The following TRIM8 variants were observed in gnomAD, a reference collection of about 807,000 sequenced individuals.
TRIM8 encodes E3 ubiquitin-protein ligase TRIM8.
TRIM8 carries 9 observed loss-of-function variants against 55.7 expected under a neutral mutation model. That is an observed-to-expected ratio of 0.16 (90% CI 0.10 to 0.28). TRIM8 has a LOEUF of 0.28. Ranked by LOEUF, TRIM8 falls within the 10% of genes least tolerant of loss-of-function variation. TRIM8 has a pLI of 1.00. For missense variants in TRIM8, 556 were observed against 736.4 expected, an observed-to-expected ratio of 0.76 and a Z score of 2.83; for synonymous variants, 335 against 333.3, an observed-to-expected ratio of 1.01 and a Z score of -0.06.
intron 1 of TRIM8, among the ~76,000 whole-genome samples, chr10:102,651,371 C>T (rs923851155): frequency 7.9e-5 from 12 of 152,134 alleles, no homozygotes; most frequent in African/African-American, 2.9e-4. Flanking sequence ...GGAAGGCCCT[C>T]CCTCTGCTGT....
chr10:102,654,707 G>T lies in TRIM8; in HGVS notation c.625G>T (p.Asp209Tyr). ...GGAGGAGCGAGAGCAGGACATTGAGGACCAGCTGTACAAACTCGAGTCAGA... is the reference window on the plus strand; with the variant it reads ...GGAGGAGCGAGAGCAGGACATTGAGTACCAGCTGTACAAACTCGAGTCAGA... ...RLEEREQDIE[D>Y]QLYKLESDKR... Residue 209 changes from aspartate (D) to tyrosine (Y), a missense_variant, in exon 2 of 6, where the codon GAC (aspartate) becomes TAC (tyrosine). Physicochemically the swap from Asp to Tyr is radical, Grantham distance 160. Coordinates refer to ENST00000643721, the MANE Select transcript of TRIM8 (RefSeq NM_030912.3). The T allele has an allele frequency of 6.2e-7, 1 of 1,614,224 alleles. No individual in the cohort carries two copies. The highest frequency in any genetic ancestry group is 1.1e-5 in the South Asian group (1 of 91,088).
intron 1 of TRIM8, 41 bp downstream of exon 1, chr10:102,645,228 GAC>G (rs755382333): frequency 2.1e-6 from 3 of 1,429,844 alleles, no homozygotes; most frequent in South Asian, 1.4e-5. Context: ...CACACACACA[GAC>G]ACACAGTCCC....
chr10:102,650,745 TGGGAAGTGG>T (rs1268082380), intron 1 of TRIM8, among the ~76,000 whole-genome samples: 3 of 151,988 alleles, frequency 2.0e-5, no homozygotes, highest in African/African-American at 7.3e-5. Flanking sequence ...TTTTCCCAGG[TGGGAAGTGG>T]GGCCTTGGCT....
At position 102,652,837 on chromosome 10, in the gene TRIM8, CTT is replaced by C. The variant is rs1289194873; in HGVS notation, c.571-1815_571-1814del. On this transcript the variant is annotated intron_variant, in intron 1 of 5. Coordinates refer to ENST00000643721, the MANE Select transcript of TRIM8 (RefSeq NM_030912.3). The stretch of plus-strand genomic sequence containing the variant: ...TTTTTTTTTGAGACAGACTTTCGCT[CTT>C]GTTGCCCAGGCTGGAGTGCAATGGC... Among the ~76,000 whole-genome samples the C allele has an allele frequency of 2.0e-5, 3 of 148,602 alleles. No individual in the cohort carries two copies. In the Admixed American group the frequency reaches 2.0e-4, roughly 10 times the overall value.
chr10:102,656,880 C>A lies in TRIM8; in HGVS notation c.1182C>A (p.Gly394=). 6.3e-7 allele frequency: 1 copy of A among 1,576,440 alleles called. No individual in the cohort carries two copies. Among genetic ancestry groups the A allele is most frequent in the Middle Eastern group, 1.7e-4 (1 of 5,872 alleles). The change falls in exon 6 of 6, where the codon GGC becomes GGA. Residue 394 remains glycine (G), a synonymous_variant. Transcript: ENST00000643721. The surrounding 1 kb of genome is among the most constrained non-coding windows in gnomAD (Gnocchi z 4.6). ...PEASFLETSS[G]PVGGQYGAAG... ...CCAGTTTCCTAGAGACGTCGTCGGGCCCTGTGGGCGGCCAGTACGGGGCGG... is the reference window on the plus strand; with the variant it reads ...CCAGTTTCCTAGAGACGTCGTCGGGACCTGTGGGCGGCCAGTACGGGGCGG...
chr10:102,655,027 C>A, intron 2 of TRIM8, 53 bp from the exon 3 acceptor site: 1 of 1,593,904 alleles, frequency 6.3e-7, no homozygotes, highest in Non-Finnish European at 8.6e-7. Flanking sequence ...GGGGGGAAAC[C>A]AAAGGTTTCC....
intron 1 of TRIM8, among the ~76,000 whole-genome samples, chr10:102,646,293 G>T (rs1343987947): frequency 6.6e-6 from 1 of 152,188 alleles, no homozygotes; most frequent in Non-Finnish European, 1.5e-5. Flanking sequence ...CCACCTTGGG[G>T]CCTGGGGCCT....
intron 1 of TRIM8, chr10:102,653,377 G>C (rs2063999805): frequency 6.6e-6 from 1 of 152,528 alleles, no homozygotes; most frequent in African/African-American, 2.4e-5. Context: ...CATGTGTGGA[G>C]GGCTGGGGAC....
At position 102,657,551 on chromosome 10, in the gene TRIM8, G is replaced by A; in HGVS notation, c.*197G>A. The A allele has an allele frequency of 2.9e-6, 2 of 687,200 alleles. No individual in the cohort carries two copies. The highest frequency in any genetic ancestry group is 2.3e-6 in the Non-Finnish European group (1 of 441,344). 42.6% of individuals were successfully genotyped at this position (687,200 alleles called of 1,614,324 possible). A position where few individuals can be genotyped will look rare whatever the true frequency, so the allele number is the denominator to read the frequency against. The stretch of plus-strand genomic sequence containing the variant: ...TTTTTTTATTATGAATCTCCTGGAC[G>A]CAGAGGTGACAGTGGGAGCTGGCCT... On this transcript the variant is annotated 3_prime_UTR_variant, in exon 6 of 6. Coordinates refer to ENST00000643721, the MANE Select transcript of TRIM8 (RefSeq NM_030912.3).
Position 102,657,162 on chromosome 10 carries a change from C to G in TRIM8, c.1464C>G (p.Pro488=). ...ACCATGGCGGCCACCAGCCCTACCC[C>G]CGCTCCGGCCACTTTCCCTGGACAG... ...VANHGGHQPY[P]RSGHFPWTVP... is the part of the protein sequence containing the mutation. Residue 488 remains proline, a synonymous_variant, in exon 6 of 6, where the codon CCC becomes CCG. Transcript: ENST00000643721. The G allele has an allele frequency of 1.9e-6, 3 of 1,613,896 alleles. No individual in the cohort carries two copies. The highest frequency in any genetic ancestry group is 2.5e-6 in the Non-Finnish European group (3 of 1,179,968).
At chr10:102,654,575 A>G (rs754618607) in intron 1 of TRIM8, 78 bp from the exon 2 acceptor site, 202 of 1,106,808 alleles carry the variant, frequency 1.8e-4, no homozygotes, top group Admixed American at 3.4e-4. Context: ...CATAGGATGC[A>G]TGTGTTGTGT....
rs756082144 is a variant in TRIM8 at position 102,655,164 on chromosome 10, G to T, written c.751G>T (p.Val251Leu). 3.7e-6 allele frequency: 6 copies of T among 1,612,056 alleles called. No individual in the cohort carries two copies. In the African/African-American group the frequency reaches 8.0e-5, roughly 22 times the overall value. Residue 251 changes from valine to leucine, a missense_variant, in exon 3 of 6, where the codon GTG becomes TTG. Val to Leu is a conservative substitution (Grantham distance 32). Transcript: ENST00000643721. ...QLLDEDLRQT[V>L]EVLDKAQAKF... ...GCTGGACGAGGACCTGCGGCAGACA[G>T]TGGAGGTCCTAGACAAGGCCCAGGC...
In TRIM8 at chr10:102,644,615, G is replaced by T. The variant is rs1277310794; in HGVS notation, c.-3G>T. The T allele has an allele frequency of 1.2e-6, 2 of 1,611,034 alleles. No individual in the cohort carries two copies. The highest frequency in any genetic ancestry group is 1.3e-5 in the African/African-American group (1 of 74,802). ...CTGCCCCGGCCCCCTGCCCGCGGCC[G>T]CCATGGCGGAGAATTGGAAGAACTG... On this transcript the variant is annotated 5_prime_UTR_variant, in exon 1 of 6. Transcript: ENST00000643721.
At chr10:102,655,021 G>A in intron 2 of TRIM8, 59 bp from the exon 3 acceptor site, 1 of 1,580,742 alleles carries the variant, frequency 6.3e-7, no homozygotes. Context: ...TAAGAGGGGG[G>A]GAAACCAAAG....
In TRIM8 at chr10:102,645,054, C is replaced by T. The variant is rs2063922194; in HGVS notation, c.437C>T (p.Pro146Leu). The change falls in exon 1 of 6, where the codon CCG becomes CTG. Residue 146 changes from proline (P) to leucine (L), a missense_variant. By Grantham distance (98) the Pro-to-Leu change is moderately conservative (BLOSUM62 -3). Coordinates refer to ENST00000643721, the MANE Select transcript of TRIM8 (RefSeq NM_030912.3). Reference protein sequence around the residue: ...EADDVRAWSCPQHNAYRLYHC... With the variant: ...EADDVRAWSCLQHNAYRLYHC... ...GACGACGTGCGGGCCTGGAGCTGCCCGCAGCACAACGCCTACCGCCTCTAC... is the reference window on the plus strand; with the variant it reads ...GACGACGTGCGGGCCTGGAGCTGCCTGCAGCACAACGCCTACCGCCTCTAC... 6.3e-7 allele frequency: 1 copy of T among 1,591,478 alleles called. No homozygotes were observed. The highest frequency in any genetic ancestry group is 1.1e-5 in the South Asian group (1 of 90,112).
rs1411680839 is a variant in TRIM8 at position 102,657,022 on chromosome 10, C to G, written c.1324C>G (p.Pro442Ala). 3.1e-6 allele frequency: 5 copies of G among 1,612,822 alleles called. No homozygotes were observed. The highest frequency in any genetic ancestry group is 4.2e-6 in the Non-Finnish European group (5 of 1,179,918). The change falls in exon 6 of 6, where the codon CCC (proline) becomes GCC (alanine). Residue 442 changes from proline (P) to alanine (A), a missense_variant. Pro to Ala is a conservative substitution (Grantham distance 27). This residue lies in a region of TRIM8 where 391 missense variants were observed against 441.0 expected (regional missense o/e 0.89). Transcript: ENST00000643721. ...ACCAGTGCACTCAAGCCCCGTGTTCCCCCCATCGCAGTATCCCAATGGCTC... is the reference window on the plus strand; with the variant it reads ...ACCAGTGCACTCAAGCCCCGTGTTCGCCCCATCGCAGTATCCCAATGGCTC... ...AQPVHSSPVF[P>A]PSQYPNGSAA...
chr10:102,652,939 G>C (rs1056484653), intron 1 of TRIM8, among the ~76,000 whole-genome samples: 2 of 151,884 alleles, frequency 1.3e-5, no homozygotes, highest in African/African-American at 4.8e-5. Context: ...GAGTAGTTGC[G>C]ATTACAGGCA....
In TRIM8 at chr10:102,657,313, G is replaced by A. The variant is rs369073221; in HGVS notation, c.1615G>A (p.Val539Met). 1.9e-6 allele frequency: 3 copies of A among 1,607,794 alleles called. No homozygotes were observed. The highest frequency in any genetic ancestry group is 1.1e-5 in the South Asian group (1 of 90,374). The change falls in exon 6 of 6, where the codon GTG becomes ATG. Residue 539 changes from valine to methionine, a missense_variant. Val to Met is a conservative substitution (Grantham distance 21). This residue lies in a region of TRIM8 where 391 missense variants were observed against 441.0 expected (regional missense o/e 0.89). Coordinates refer to ENST00000643721, the MANE Select transcript of TRIM8 (RefSeq NM_030912.3). ...QQPGHQDFYRVYGQPSTKHYV... is the reference protein window; with the variant it reads ...QQPGHQDFYRMYGQPSTKHYV... ...GCCCGGCCACCAGGATTTCTACAGG[G>A]TGTATGGGCAGCCGTCCACCAAACA...
rs944129631 is a variant in TRIM8, at chr10:102,656,698, G to T, written c.1049-49G>T. 2 of 1,506,844 alleles carry T rather than the reference G, an allele frequency of 1.3e-6. No homozygotes were observed. Among genetic ancestry groups the T allele is most frequent in the Non-Finnish European group, 1.8e-6 (2 of 1,129,976 alleles). The allele number at this position is 1,506,844 out of a possible 1,614,324, so 93.3% of individuals were successfully genotyped here. A position where few individuals can be genotyped will look rare whatever the true frequency, so the allele number is the denominator to read the frequency against. The stretch of plus-strand genomic sequence containing the variant: ...GTCCAACCCAGGGAGAGGAGGCCTG[G>T]GTTGCTTGGGGTGGGAGCTTTGGCG... On this transcript the variant is annotated intron_variant, in intron 5 of 5. Coordinates refer to ENST00000643721, the MANE Select transcript of TRIM8 (RefSeq NM_030912.3). This position sits in a 1 kb window ranked among gnomAD's most constrained non-coding sequence, Gnocchi z 4.6.
Sources: gnomAD v4.1 joint callset for allele counts (sites outside exome capture counted in the v4.1 genomes callset) on GRCh38, gnomAD v4.1.1 for gene constraint, gnomAD v4.1.1 regional missense constraint, Gnocchi (gnomAD v3.1) non-coding constraint, MANE v1.5 for transcripts, NCBI Gene and HGNC (gene_info 2026-07-23, HGNC 2026-07-21) for gene names.